Variants in PEPD observed in about 807,000 individuals in gnomAD.
PEPD encodes peptidase D, also known as xaa-Pro dipeptidase.
A neutral mutation model predicts 60.7 loss-of-function variants in PEPD; 53 were observed. The ratio of observed to expected loss-of-function variants is 0.87; its 90% CI spans 0.70 to 1.10. PEPD has a LOEUF of 1.10. Ranked by LOEUF, PEPD falls within the 50% of genes least tolerant of loss-of-function variation. The pLI is 0.00. For synonymous variants in PEPD, 267 were observed against 284.1 expected (o/e 0.94, Z 0.60); for missense variants, 711 against 711.9 (o/e 1.00, Z 0.01).
chr19:33,436,830 G>T (rs1046775396), intron 9 of PEPD, among the ~76,000 whole-genome samples: 5 of 152,178 alleles, frequency 3.3e-5, no homozygotes, highest in Non-Finnish European at 5.9e-5. Flanking sequence ...CCCTGGGGCC[G>T]GTTCATTGGG....
At chr19:33,425,931 T>A (rs976491050) in intron 9 of PEPD, among the ~76,000 whole-genome samples, 5 of 152,228 alleles carry the variant, frequency 3.3e-5, no homozygotes, top group African/African-American at 1.2e-4. Context: ...TGCCTCAGCC[T>A]CCTGAGTAGC....
In PEPD at chr19:33,410,770, A is replaced by C. The variant is rs539591606; in HGVS notation, c.818+902T>G. Among the ~76,000 whole-genome samples, 359 of 152,264 alleles carry C rather than the reference A, an allele frequency of 2.4e-3. 8 individuals carry two copies. The highest frequency in any genetic ancestry group is 0.022 in the Admixed American group (332 of 15,304). On this transcript the variant is annotated intron_variant, in intron 11 of 14. Coordinates refer to ENST00000244137, the MANE Select transcript of PEPD (RefSeq NM_000285.4). ...GGAGGGACAAGGCACATCCTCTGCT[A>C]GTCAGTGACCACAGTGAAATGTCTG...
intron 9 of PEPD, among the ~76,000 whole-genome samples, chr19:33,441,696 C>T (rs145149022): frequency 0.013 from 2,032 of 152,274 alleles, 22 homozygotes; most frequent in Middle Eastern, 0.037. Flanking sequence ...TGGCTGAGGC[C>T]GACCTTGACC....
intron 4 of PEPD, among the ~76,000 whole-genome samples, chr19:33,497,131 C>G (rs1258468492): frequency 6.6e-6 from 1 of 152,272 alleles, no homozygotes; most frequent in Non-Finnish European, 1.5e-5. Context: ...CACCAACAGT[C>G]TGGATGTGTG....
At position 33,479,987 on chromosome 19, in the gene PEPD, T is replaced by C. The variant is rs553068863; in HGVS notation, c.504-1897A>G. Among the ~76,000 whole-genome samples the C allele has an allele frequency of 2.0e-5, 3 of 152,352 alleles. No homozygotes were observed. The South Asian group carries it at 6.2e-4, about 32-fold the overall frequency. ...TTCTGTTTTTAGGTCTTTGCGGAAT[T>C]GCCACGCTGTCTTCCACAATGGTTT... On this transcript the variant is annotated intron_variant, in intron 6 of 14. Coordinates refer to ENST00000244137, the MANE Select transcript of PEPD (RefSeq NM_000285.4).
intron 5 of PEPD, among the ~76,000 whole-genome samples, chr19:33,492,981 C>G (rs1459561543): frequency 6.6e-6 from 1 of 152,168 alleles, no homozygotes; most frequent in Admixed American, 6.5e-5. Flanking sequence ...GGCTCAAGCA[C>G]GCCTCCCACC....
chr19:33,513,369 A>G (rs1318792184), intron 1 of PEPD, among the ~76,000 whole-genome samples: 1 of 152,068 alleles, frequency 6.6e-6, no homozygotes, highest in Non-Finnish European at 1.5e-5. Context: ...AGCCACCCTC[A>G]GCAGGCAGAA....
Position 33,387,030 on chromosome 19 carries a change from C to T in PEPD, c.*314G>A. The T allele has an allele frequency of 2.6e-6, 1 of 386,380 alleles. No homozygotes were observed. Among genetic ancestry groups the T allele is most frequent in the Non-Finnish European group, 4.7e-6 (1 of 212,456 alleles). The allele number at this position is 386,380 out of a possible 1,614,324, so 23.9% of individuals were successfully genotyped here. ...AGAAAGTATCAGAAATGCTTCTTTC[C>T]TGGGAAAAGGAATATAAATGACAGC... On this transcript the variant is annotated 3_prime_UTR_variant, in exon 15 of 15. Coordinates refer to ENST00000244137, the MANE Select transcript of PEPD (RefSeq NM_000285.4).
chr19:33,400,430 T>C (rs774627407), intron 12 of PEPD, among the ~76,000 whole-genome samples: 1 of 152,228 alleles, frequency 6.6e-6, no homozygotes, highest in Non-Finnish European at 1.5e-5. Flanking sequence ...AATGACCGAA[T>C]TGGCTGGAGA....
At chr19:33,493,988 A>C (rs1357244763) in intron 4 of PEPD, among the ~76,000 whole-genome samples, 1 of 152,130 alleles carries the variant, frequency 6.6e-6, no homozygotes, top group Admixed American at 6.5e-5. Flanking sequence ...CCTTCTTCCC[A>C]TCTTAGTGCC....
At chr19:33,518,211 C>T (rs1971059998) in intron 1 of PEPD, among the ~76,000 whole-genome samples, 2 of 152,078 alleles carry the variant, frequency 1.3e-5, no homozygotes, top group South Asian at 2.1e-4. Context: ...TCTCCTGGGG[C>T]GGATAGGGGT....
intron 9 of PEPD, among the ~76,000 whole-genome samples, chr19:33,446,483 C>T (rs1022987695): frequency 2.6e-5 from 4 of 152,222 alleles, no homozygotes; most frequent in East Asian, 1.9e-4. Context: ...TCTTTTCACC[C>T]GTGGGATCAT....
intron 9 of PEPD, among the ~76,000 whole-genome samples, chr19:33,421,148 C>A (rs918391281): frequency 6.6e-6 from 1 of 152,190 alleles, no homozygotes; most frequent in African/African-American, 2.4e-5. Flanking sequence ...ATGGGTAGTA[C>A]AGCCATGAGT....
At chr19:33,425,481 G>T (rs961534133) in intron 9 of PEPD, among the ~76,000 whole-genome samples, 1 of 152,124 alleles carries the variant, frequency 6.6e-6, no homozygotes, top group African/African-American at 2.4e-5. Context: ...GCGAGCAGGG[G>T]CAAGGGGAGG....
In PEPD at chr19:33,511,509, C is replaced by T. The variant is rs112486772; in HGVS notation, c.202-354G>A. 539 of 354,596 alleles carry T rather than the reference C, an allele frequency of 1.5e-3. 4 individuals carry two copies. The highest frequency in any genetic ancestry group is 0.011 in the African/African-American group (500 of 47,242). The allele number at this position is 354,596 out of a possible 1,614,324, so 22.0% of individuals were successfully genotyped here. A position where few individuals can be genotyped will look rare whatever the true frequency, so the allele number is the denominator to read the frequency against. On this transcript the variant is annotated intron_variant, in intron 2 of 14. Coordinates refer to ENST00000244137, the MANE Select transcript of PEPD (RefSeq NM_000285.4). ...CTGCCACGTGCAGGCAGGCAAGACG[C>T]CCCCCGGATTCTGACGCCCAGGCCG...
chr19:33,411,993 G>A lies in PEPD; in HGVS notation c.741-244C>T, dbSNP rs536324556. Among the ~76,000 whole-genome samples, 23 of 152,378 alleles carry A rather than the reference G, an allele frequency of 1.5e-4. No homozygotes were observed. The South Asian group carries it at 2.5e-3, about 16-fold the overall frequency. ...CAGGCAGAGCCTCCTGGCTGAAGGC[G>A]TCGTTAGGCGGCTGCCCTCTGGGCT... On this transcript the variant is annotated intron_variant, in intron 10 of 14. Transcript: ENST00000244137.
chr19:33,478,079 T>C lies in PEPD; in HGVS notation c.515A>G (p.Asn172Ser), dbSNP rs764384475. The change falls in exon 7 of 15, where the codon AAC becomes AGC. Residue 172 changes from asparagine (N) to serine (S), a missense_variant. Transcript: ENST00000244137. ...SFDGISKFEV[N>S]NTILHPEIVE... Reference sequence around the variant, plus strand: ...GATCTCTGGGTGAAGAATGGTATTGTTGACTTCGAACCTGTAGGGCGAAAA... The same window carrying C: ...GATCTCTGGGTGAAGAATGGTATTGCTGACTTCGAACCTGTAGGGCGAAAA... 5 of 1,610,440 alleles carry C rather than the reference T, an allele frequency of 3.1e-6. No individual in the cohort carries two copies. The highest frequency in any genetic ancestry group is 4.2e-6 in the Non-Finnish European group (5 of 1,177,638).
intron 3 of PEPD, among the ~76,000 whole-genome samples, chr19:33,509,710 A>C (rs774195227): frequency 6.6e-6 from 1 of 152,226 alleles, no homozygotes; most frequent in Non-Finnish European, 1.5e-5. Context: ...AGCCCAGAAT[A>C]ATCACTCTCC....
At chr19:33,506,969 G>A (rs1472766942) in intron 3 of PEPD, among the ~76,000 whole-genome samples, 1 of 126,246 alleles carries the variant, frequency 7.9e-6, no homozygotes, top group Non-Finnish European at 1.6e-5. Context: ...CCCAACATAT[G>A]TCCTCTCCAC....
Sources: allele counts gnomAD v4.1 joint callset (sites outside exome capture counted in the v4.1 genomes callset), GRCh38; gene constraint gnomAD v4.1.1; transcripts MANE v1.5; gene names NCBI Gene and HGNC (gene_info 2026-07-23, HGNC 2026-07-21).